INTS3: variants seen among roughly 807,000 people sequenced by gnomAD.
The protein encoded by INTS3 is integrator complex subunit 3.
INTS3 carries 34 observed loss-of-function variants against 146.3 expected under a neutral mutation model. That is an observed-to-expected ratio of 0.23 (90% confidence interval 0.18 to 0.31). The LOEUF (loss-of-function observed/expected upper bound fraction) is 0.31. Ranked by LOEUF, INTS3 falls within the 10% of genes least tolerant of loss-of-function variation. The probability of loss-of-function intolerance (pLI) is 1.00; values close to 1 mark genes in which losing one functional copy is unlikely to be tolerated. For synonymous variants in INTS3, 475 were observed against 494.9 expected, an observed-to-expected ratio of 0.96 and a Z score of 0.53; for missense variants, 757 against 1,304.2, an observed-to-expected ratio of 0.58 and a Z score of 6.46.
intron 3 of INTS3, among the ~76,000 whole-genome samples, chr1:153,744,978 A>T (rs970603037): frequency 1.8e-4 from 27 of 152,280 alleles, no homozygotes; most frequent in African/African-American, 6.5e-4. Context: ...TCTGGGGCAA[A>T]TAACTTTTAA....
At chr1:153,761,017 C>T (rs1672363842) in intron 13 of INTS3, 99 bp downstream of exon 13, 1 of 1,552,828 alleles carries the variant, frequency 6.4e-7, no homozygotes, top group Admixed American at 1.9e-5. Context: ...TTTTCTCTGA[C>T]AGGTGTAAAA....
intron 1 of INTS3, among the ~76,000 whole-genome samples, chr1:153,733,197 C>G (rs970004454): frequency 2.3e-5 from 1 of 42,728 alleles, no homozygotes; most frequent in Admixed American, 4.4e-4. Context: ...TTACCGAATG[C>G]TTTTTTTTTT....
At chr1:153,731,559 G>A (rs573505746) in intron 1 of INTS3, among the ~76,000 whole-genome samples, 3 of 151,642 alleles carry the variant, frequency 2.0e-5, no homozygotes, top group East Asian at 3.9e-4. Context: ...GGCTGAAAGT[G>A]GGAGGCCCAA....
chr1:153,765,455 A>C (rs1250017449), intron 20 of INTS3, among the ~76,000 whole-genome samples: 2 of 152,088 alleles, frequency 1.3e-5, no homozygotes, highest in East Asian at 3.8e-4. Flanking sequence ...CCTCCTGAGT[A>C]GCTAGGATTA....
intron 6 of INTS3, among the ~76,000 whole-genome samples, chr1:153,750,055 G>A (rs1220526853): frequency 6.6e-6 from 1 of 152,188 alleles, no homozygotes; most frequent in Non-Finnish European, 1.5e-5. Flanking sequence ...TTAAAAGGTA[G>A]CAGGTAGGGG....
At chr1:153,740,863 C>A in intron 2 of INTS3, 129 bp downstream of exon 2, 1 of 743,780 alleles carries the variant, frequency 1.3e-6, no homozygotes, top group South Asian at 1.5e-5. Context: ...CTCCCTGAAT[C>A]AAATTTCTCA....
intron 9 of INTS3, among the ~76,000 whole-genome samples, chr1:153,756,731 G>A (rs546424410): frequency 3.9e-4 from 59 of 151,828 alleles, no homozygotes; most frequent in African/African-American, 1.3e-3. Context: ...CAGGAGAATC[G>A]CTTGAACCTG....
intron 24 of INTS3, 70 bp downstream of exon 24, chr1:153,770,381 C>T: frequency 1.0e-6 from 1 of 985,396 alleles, no homozygotes; most frequent in South Asian, 1.3e-5. Context: ...AAGGCTGAGG[C>T]CTCTAGGCTT....
intron 20 of INTS3, chr1:153,767,401 T>G (rs1672630251): frequency 2.7e-6 from 1 of 374,060 alleles, no homozygotes; most frequent in Non-Finnish European, 4.8e-6. Context: ...CCCTCCCTCT[T>G]CTGTTCCTGA....
At chr1:153,742,808 C>T (rs1375280782) in intron 3 of INTS3, among the ~76,000 whole-genome samples, 1 of 152,184 alleles carries the variant, frequency 6.6e-6, no homozygotes, top group East Asian at 1.9e-4. Context: ...CTTCTTTTTG[C>T]CCTATAACAG....
intron 3 of INTS3, among the ~76,000 whole-genome samples, chr1:153,744,048 T>C (rs1411474913): frequency 2.1e-5 from 3 of 141,564 alleles, no homozygotes; most frequent in East Asian, 4.2e-4. Context: ...CGTGTGTGTG[T>C]GTGTGTGTGT....
intron 1 of INTS3, among the ~76,000 whole-genome samples, chr1:153,729,643 G>A (rs868134017): frequency 5.3e-5 from 8 of 152,228 alleles, no homozygotes; most frequent in Middle Eastern, 3.4e-3. Context: ...CGAGGCAGGC[G>A]GATCACAAGG....
chr1:153,746,425 C>T (rs7539710), intron 3 of INTS3, among the ~76,000 whole-genome samples: 72,160 of 151,686 alleles, frequency 0.48, 17,738 homozygotes, highest in African/African-American at 0.58. Flanking sequence ...AGTTTCGCTC[C>T]GTCGCCCAGG....
In INTS3 at chr1:153,759,517, CT is replaced by C; in HGVS notation, c.1150-5del. The C allele has an allele frequency of 1.9e-6, 3 of 1,602,304 alleles. No individual in the cohort carries two copies. Among genetic ancestry groups the C allele is most frequent in the African/African-American group, 1.3e-5 (1 of 74,820 alleles). Reference sequence around the variant, plus strand: ...AACTAGCCCTCTGTTTCTCCCCTCTCTTTTCCAGTCAAATGTCGCTGCCTCC... The same window carrying C: ...AACTAGCCCTCTGTTTCTCCCCTCTCTTTCCAGTCAAATGTCGCTGCCTCC... On this transcript the variant is annotated splice_region_variant and splice_polypyrimidine_tract_variant and intron_variant, in intron 10 of 29. Coordinates refer to ENST00000318967, the MANE Select transcript of INTS3 (RefSeq NM_023015.5).
At chr1:153,736,127 CAG>C (rs1671274599) in intron 1 of INTS3, among the ~76,000 whole-genome samples, 1 of 152,174 alleles carries the variant, frequency 6.6e-6, no homozygotes. Flanking sequence ...TACTGGATCT[CAG>C]AGCTTGTGGG....
chr1:153,755,731 C>A (rs1204910311), intron 9 of INTS3, among the ~76,000 whole-genome samples: 1 of 152,154 alleles, frequency 6.6e-6, no homozygotes, highest in Admixed American at 6.5e-5. Context: ...AGTTAGTCTG[C>A]AGGACTAGGT....
chr1:153,770,123 G>A, intron 23 of INTS3, 75 bp from the exon 24 acceptor site: 2 of 585,952 alleles, frequency 3.4e-6, no homozygotes, highest in African/African-American at 2.3e-5. Flanking sequence ...AGTGGATGGG[G>A]GGGTGGGGGG....
intron 9 of INTS3, among the ~76,000 whole-genome samples, chr1:153,756,575 G>A (rs1160037299): frequency 1.3e-5 from 2 of 152,018 alleles, no homozygotes; most frequent in Admixed American, 6.5e-5. Flanking sequence ...CAGTACTTTG[G>A]GAGGCCAAGG....
intron 1 of INTS3, among the ~76,000 whole-genome samples, chr1:153,734,791 G>A (rs1671228699): frequency 6.6e-6 from 1 of 152,176 alleles, no homozygotes; most frequent in Non-Finnish European, 1.5e-5. Context: ...TTTACAGAGA[G>A]TAGATAGGAG....
Sources: allele counts gnomAD v4.1 joint callset (sites outside exome capture counted in the v4.1 genomes callset), GRCh38; gene constraint gnomAD v4.1.1; transcripts MANE v1.5; gene names NCBI Gene and HGNC (gene_info 2026-07-23, HGNC 2026-07-21).